Variants in REV1 observed in about 807,000 individuals in gnomAD.
REV1 encodes the protein translesion synthesis protein REV1.
REV1 carries 42 observed loss-of-function variants against 137.4 expected under a neutral mutation model. That is an observed-to-expected ratio of 0.31 (90% CI 0.24 to 0.40). The LOEUF (loss-of-function observed/expected upper bound fraction) is 0.40, where lower values mean the gene tolerates loss of function less well. REV1 is among the 10% of genes least tolerant of loss of function. The probability of loss-of-function intolerance (pLI) is 1.00; values close to 1 mark genes in which losing one functional copy is unlikely to be tolerated. For synonymous variants in REV1, 524 were observed against 519.2 expected (o/e 1.01, Z -0.12); for missense variants, 1,282 against 1,490.1 (o/e 0.86, Z 2.30).
Position 99,406,029 on chromosome 2 carries a change from G to A in REV1, c.2692C>T (p.Leu898=), listed in dbSNP as rs1245161155. 14 of 1,613,946 alleles carry A rather than the reference G, an allele frequency of 8.7e-6. No individual in the cohort carries two copies. The highest frequency in any genetic ancestry group is 2.7e-5 in the African/African-American group (2 of 74,902). ...TTGTTAGTATCAGGACTGGTCGGCA[G>A]ATGTGCAGGAAAAGGTGGCAAGAAA... The part of the protein sequence containing the change: ...CTFLPPFPAH[L]PTSPDTNKAE... Residue 898 remains leucine (L), a synonymous_variant, in exon 17 of 23, where the codon CTG becomes TTG. Transcript: ENST00000258428.
intron 18 of REV1, 90 bp downstream of exon 18, chr2:99,404,354 G>A: frequency 1.1e-6 from 1 of 922,400 alleles, no homozygotes; most frequent in Non-Finnish European, 1.7e-6. Flanking sequence ...GTCAGATACA[G>A]AGGAGAAAGG....
intron 5 of REV1, among the ~76,000 whole-genome samples, chr2:99,440,434 A>C (rs140363380): frequency 6.6e-6 from 1 of 152,210 alleles, no homozygotes; most frequent in African/African-American, 2.4e-5. Context: ...TTGGTTTATT[A>C]GTAATGAGAG....
chr2:99,404,788 G>GT (rs1330115698), intron 17 of REV1, 111 bp from the exon 18 acceptor site: 7 of 772,972 alleles, frequency 9.1e-6, no homozygotes, highest in Non-Finnish European at 1.5e-5. Flanking sequence ...GATAATCAAT[G>GT]TAAGGTACAG....
chr2:99,466,582 T>C (rs1445079458), intron 1 of REV1, among the ~76,000 whole-genome samples: 2 of 152,208 alleles, frequency 1.3e-5, no homozygotes, highest in Non-Finnish European at 2.9e-5. Context: ...CTTAGTATAC[T>C]GCAGGATTTG....
At chr2:99,455,098 A>G (rs184835369) in intron 3 of REV1, among the ~76,000 whole-genome samples, 3 of 152,348 alleles carry the variant, frequency 2.0e-5, no homozygotes, top group Admixed American at 2.0e-4. Flanking sequence ...CTAGATCTCT[A>G]TTGAGAAAAC....
In REV1 at chr2:99,434,441, T is replaced by C; in HGVS notation, c.1329A>G (p.Pro443=). 6.3e-7 allele frequency: 1 copy of C among 1,593,710 alleles called. No individual in the cohort carries two copies. The highest frequency in any genetic ancestry group is 8.5e-7 in the Non-Finnish European group (1 of 1,169,600). ...TGCCTCTGTTACTTGTAACAGCCAC[T>C]GGTTTTCCTGTGAGGAAAATATTAA... The part of the protein sequence containing the change: ...IRNRPDLKGK[P]VAVTSNRGTG... The change falls in exon 8 of 23, where the codon CCA becomes CCG. Residue 443 remains proline (P), a synonymous_variant. Coordinates refer to ENST00000258428, the MANE Select transcript of REV1 (RefSeq NM_016316.4).
intron 1 of REV1, among the ~76,000 whole-genome samples, chr2:99,482,664 C>G (rs1316548655): frequency 6.6e-6 from 1 of 152,124 alleles, no homozygotes; most frequent in Non-Finnish European, 1.5e-5. Context: ...TAAAAGCACT[C>G]TTTAAGATAT....
intron 2 of REV1, among the ~76,000 whole-genome samples, chr2:99,464,124 C>T (rs1466026523): frequency 6.6e-6 from 1 of 152,186 alleles, no homozygotes; most frequent in African/African-American, 2.4e-5. Context: ...CATTAGATAA[C>T]ATTCACCTCA....
At chr2:99,441,123 C>T (rs1457189092) in intron 5 of REV1, among the ~76,000 whole-genome samples, 2 of 151,772 alleles carry the variant, frequency 1.3e-5, no homozygotes, top group African/African-American at 4.8e-5. Context: ...GCTAAAGCTA[C>T]GTATTCTGTG....
rs145649417 is a variant in REV1 at position 99,429,863 on chromosome 2, A to G, written c.1524T>C (p.Ile508=). Residue 508 remains isoleucine, a synonymous_variant, in exon 9 of 23, where the codon ATT becomes ATC. Coordinates refer to ENST00000258428, the MANE Select transcript of REV1 (RefSeq NM_016316.4). The part of the protein sequence containing the change: ...GIDSVLSRAE[I]ASCSYEARQL... Reference sequence around the variant, plus strand: ...ACCTGGCCTCATAACTACAAGATGCAATTTCAGCCCTTGACAAAACAGAAT... The same window carrying G: ...ACCTGGCCTCATAACTACAAGATGCGATTTCAGCCCTTGACAAAACAGAAT... 5.0e-4 allele frequency: 795 copies of G among 1,601,170 alleles called. 5 individuals carry two copies. The African/African-American group carries it at 9.6e-3, about 19-fold the overall frequency.
At chr2:99,435,760 G>T in intron 7 of REV1, 74 bp downstream of exon 7, 1 of 777,094 alleles carries the variant, frequency 1.3e-6, no homozygotes. Flanking sequence ...TTTAAAAAAA[G>T]ATTTTGTAAT....
Position 99,424,747 on chromosome 2 carries a change from C to G in REV1, c.1548-467G>C, listed in dbSNP as rs1413933409. The G allele has an allele frequency of 5.4e-6, 7 of 1,300,836 alleles. No homozygotes were observed. The African/African-American group carries it at 9.1e-5, about 17-fold the overall frequency. The allele number at this position is 1,300,836 out of a possible 1,614,324, so 80.6% of individuals were successfully genotyped here. A position where few individuals can be genotyped will look rare whatever the true frequency, so the allele number is the denominator to read the frequency against. ...ACACAAAACAGTGCTATGTGACAAA[C>G]AGACAAAATGTACTCATCCTATTAC... On this transcript the variant is annotated intron_variant, in intron 9 of 22. Coordinates refer to ENST00000258428, the MANE Select transcript of REV1 (RefSeq NM_016316.4).
intron 14 of REV1, among the ~76,000 whole-genome samples, chr2:99,408,898 C>A (rs1676711781): frequency 6.6e-6 from 1 of 152,156 alleles, no homozygotes; most frequent in Admixed American, 6.5e-5. Flanking sequence ...GGCCATTAAA[C>A]AAGAAATATT....
intron 1 of REV1, among the ~76,000 whole-genome samples, chr2:99,481,067 G>C (rs1686553279): frequency 6.6e-6 from 1 of 152,146 alleles, no homozygotes; most frequent in African/African-American, 2.4e-5. Flanking sequence ...TGAAGTGTTA[G>C]TAACTTTGAC....
chr2:99,432,487 A>C (rs1323492331), intron 8 of REV1, among the ~76,000 whole-genome samples: 1 of 152,218 alleles, frequency 6.6e-6, no homozygotes, highest in African/African-American at 2.4e-5. Flanking sequence ...AAAAGTTCTG[A>C]GCACAAGCTT....
At chr2:99,454,967 A>G (rs1253423912) in intron 3 of REV1, among the ~76,000 whole-genome samples, 1 of 152,206 alleles carries the variant, frequency 6.6e-6, no homozygotes, top group African/African-American at 2.4e-5. Flanking sequence ...ATATAACATC[A>G]AAACAGCCAT....
intron 12 of REV1, among the ~76,000 whole-genome samples, chr2:99,416,294 C>G (rs1257664927): frequency 6.6e-6 from 1 of 152,186 alleles, no homozygotes; most frequent in Admixed American, 6.5e-5. Flanking sequence ...TAAAATAATT[C>G]CCAGGACTTT....
chr2:99,486,790 T>A (rs2104327545), intron 1 of REV1, among the ~76,000 whole-genome samples: 1 of 152,288 alleles, frequency 6.6e-6, no homozygotes, highest in Middle Eastern at 3.4e-3. Context: ...ACTGACAGCC[T>A]ACTATGTACC....
At chr2:99,443,204 C>A (rs1681733571) in intron 4 of REV1, among the ~76,000 whole-genome samples, 1 of 152,146 alleles carries the variant, frequency 6.6e-6, no homozygotes, top group Admixed American at 6.5e-5. Context: ...TAAAAATAAC[C>A]AATCAATATA....
Sources: allele counts gnomAD v4.1 joint callset (sites outside exome capture counted in the v4.1 genomes callset), GRCh38; gene constraint gnomAD v4.1.1; transcripts MANE v1.5; gene names NCBI Gene and HGNC (gene_info 2026-07-23, HGNC 2026-07-21).